Variants in COLQ observed in about 807,000 individuals in gnomAD.
COLQ encodes collagen like tail subunit of asymmetric acetylcholinesterase.
A neutral mutation model predicts 69.0 loss-of-function variants in COLQ; 48 were observed. The ratio of observed to expected loss-of-function variants is 0.70; its 90% CI spans 0.55 to 0.88. The LOEUF is 0.88. Ranked by LOEUF, COLQ falls within the 40% of genes least tolerant of loss-of-function variation. The pLI, the probability that COLQ is intolerant of heterozygous loss-of-function variation, is 0.00. For synonymous variants in COLQ, 217 were observed against 211.2 expected, an observed-to-expected ratio of 1.03 and a Z score of -0.24; for missense variants, 618 against 594.6, an observed-to-expected ratio of 1.04 and a Z score of -0.41.
At chr3:15,475,205 T>G in intron 7 of COLQ, 1 of 651,650 alleles carries the variant, frequency 1.5e-6, no homozygotes, top group Admixed American at 2.7e-5. Flanking sequence ...GTCCAGAAGC[T>G]TGGTTCTTCC....
intron 1 of COLQ, among the ~76,000 whole-genome samples, chr3:15,499,226 G>A (rs562914229): frequency 5.3e-5 from 8 of 152,122 alleles, no homozygotes; most frequent in Non-Finnish European, 1.0e-4. Flanking sequence ...TGGATGAAGC[G>A]GCATATACCA....
intron 11 of COLQ, among the ~76,000 whole-genome samples, chr3:15,467,401 A>C (rs898201025): frequency 1.3e-5 from 2 of 152,240 alleles, no homozygotes; most frequent in South Asian, 4.1e-4. Context: ...TGTGGTTTGT[A>C]CAGAACGAAG....
chr3:15,485,938 G>C (rs6762964), intron 3 of COLQ, among the ~76,000 whole-genome samples: 63,535 of 151,986 alleles, frequency 0.42, 13,392 homozygotes, highest in East Asian at 0.51. Flanking sequence ...CTCTAACCTA[G>C]GTGGCACAGT....
chr3:15,495,862 C>T (rs2062738591), intron 1 of COLQ, among the ~76,000 whole-genome samples: 1 of 152,174 alleles, frequency 6.6e-6, no homozygotes, highest in African/African-American at 2.4e-5. Flanking sequence ...GGCAGGTTCA[C>T]ACCAATCCCG....
chr3:15,507,267 C>G (rs561323085), intron 1 of COLQ, among the ~76,000 whole-genome samples: 1 of 152,304 alleles, frequency 6.6e-6, no homozygotes, highest in Admixed American at 6.5e-5. Context: ...GTAAGACTAT[C>G]CATTACATAA....
intron 6 of COLQ, 42 bp downstream of exon 6, chr3:15,477,082 CTT>C (rs1360987913): frequency 1.3e-6 from 2 of 1,549,306 alleles, no homozygotes; most frequent in South Asian, 1.2e-5. Flanking sequence ...CTTCCCCCCT[CTT>C]GTTTTGACAC....
At chr3:15,460,179 C>T (rs17041167) in intron 12 of COLQ, among the ~76,000 whole-genome samples, 15,597 of 152,206 alleles carry the variant, frequency 0.1, 847 homozygotes, top group East Asian at 0.18. Flanking sequence ...AGTAGAATGT[C>T]GCTCCACAAG....
chr3:15,456,381 G>A, intron 14 of COLQ, 79 bp downstream of exon 14: 1 of 1,591,696 alleles, frequency 6.3e-7, no homozygotes, highest in Admixed American at 1.7e-5. Flanking sequence ...AGGCCCAGTG[G>A]GGTGGCCTTC....
chr3:15,521,187 T>C (rs1230209587), intron 1 of COLQ, among the ~76,000 whole-genome samples: 2 of 152,244 alleles, frequency 1.3e-5, no homozygotes, highest in Non-Finnish European at 1.5e-5. Flanking sequence ...CTCACTTCTC[T>C]ATTACTTGCA....
intron 1 of COLQ, chr3:15,498,667 CCCAGTG>C: frequency 6.5e-7 from 1 of 1,550,332 alleles, no homozygotes; most frequent in Non-Finnish European, 8.7e-7. Flanking sequence ...TCTGAGTGCT[CCCAGTG>C]CCTGGCCTGT....
chr3:15,493,205 G>A (rs1349451568), intron 1 of COLQ, among the ~76,000 whole-genome samples: 1 of 152,234 alleles, frequency 6.6e-6, no homozygotes, highest in Non-Finnish European at 1.5e-5. Flanking sequence ...GGGCTAGCTG[G>A]GGAGGTGGCT....
intron 1 of COLQ, 115 bp downstream of exon 1, chr3:15,521,398 TTCCAACC>T: frequency 7.3e-7 from 1 of 1,371,462 alleles, no homozygotes; most frequent in Non-Finnish European, 1.0e-6. Context: ...GCCGTCTTCC[TTCCAACC>T]TCCCTCCACC....
At chr3:15,489,118 A>C (rs970526880) in intron 2 of COLQ, among the ~76,000 whole-genome samples, 1 of 152,260 alleles carries the variant, frequency 6.6e-6, no homozygotes, top group Non-Finnish European at 1.5e-5. Flanking sequence ...CACCTCATGG[A>C]AACGGTCTGT....
chr3:15,472,929 G>A (rs1190655438), intron 10 of COLQ, among the ~76,000 whole-genome samples: 1 of 150,310 alleles, frequency 6.7e-6, no homozygotes, highest in Non-Finnish European at 1.5e-5. Context: ...GCATAATCTC[G>A]GCTCACTGCA....
intron 1 of COLQ, among the ~76,000 whole-genome samples, chr3:15,508,370 A>G (rs2062938437): frequency 6.6e-6 from 1 of 152,218 alleles, no homozygotes; most frequent in African/African-American, 2.4e-5. Context: ...AGATAAGTAA[A>G]CTGAAGCTCA....
chr3:15,492,294 C>T (rs1394374306), intron 1 of COLQ, among the ~76,000 whole-genome samples: 1 of 152,120 alleles, frequency 6.6e-6, no homozygotes, highest in Non-Finnish European at 1.5e-5. Context: ...GGGTAAAATT[C>T]CCGACTAGAT....
At chr3:15,512,554 G>A (rs2063002160) in intron 1 of COLQ, among the ~76,000 whole-genome samples, 1 of 152,218 alleles carries the variant, frequency 6.6e-6, no homozygotes, top group Admixed American at 6.5e-5. Flanking sequence ...GGTGGAAGCT[G>A]AGTCTCTTCT....
chr3:15,453,970 A>G, intron 15 of COLQ, 39 bp from the exon 16 acceptor site: 1 of 1,419,470 alleles, frequency 7.0e-7, no homozygotes, highest in Non-Finnish European at 9.8e-7. Flanking sequence ...GAGAAGGAGC[A>G]GAGGCGATAG....
At chr3:15,460,419 CCTT>C (rs1478912464) in intron 12 of COLQ, among the ~76,000 whole-genome samples, 1 of 152,124 alleles carries the variant, frequency 6.6e-6, no homozygotes, top group Non-Finnish European at 1.5e-5. Context: ...GGTAAGGATC[CCTT>C]CTTCTGGGAA....
Sources: allele counts gnomAD v4.1 joint callset (sites outside exome capture counted in the v4.1 genomes callset), GRCh38; gene constraint gnomAD v4.1.1; transcripts MANE v1.5; gene names NCBI Gene and HGNC (gene_info 2026-07-23, HGNC 2026-07-21).